The following SINHCAF variants were observed in gnomAD, a reference collection of about 807,000 sequenced individuals.
SINHCAF encodes SIN3-HDAC complex associated factor.
In SINHCAF, 3 loss-of-function variants were observed where a neutral mutation model predicts 25.8. That is an observed-to-expected ratio of 0.12 (90% CI 0.05 to 0.30). The LOEUF is 0.30. Among genes scored for constraint, SINHCAF ranks in the 10% least tolerant of loss-of-function variants. The pLI, the probability that SINHCAF is intolerant of heterozygous loss-of-function variation, is 1.00. For missense variants in SINHCAF, 121 were observed against 262.3 expected (o/e 0.46, Z 3.72); for synonymous variants, 70 against 85.5 (o/e 0.82, Z 1.00).
intron 1 of SINHCAF, among the ~76,000 whole-genome samples, chr12:31,317,424 C>T (rs1939535967): frequency 1.3e-5 from 2 of 151,846 alleles, no homozygotes; most frequent in Non-Finnish European, 2.9e-5. Flanking sequence ...TGAAACACCA[C>T]AGCACGCTGT....
At chr12:31,316,131 C>G (rs1939487166) in intron 1 of SINHCAF, among the ~76,000 whole-genome samples, 1 of 151,938 alleles carries the variant, frequency 6.6e-6, no homozygotes, top group African/African-American at 2.4e-5. Context: ...GATTGTGCCA[C>G]TGCACTCCAG....
At chr12:31,297,730 CA>C (rs1409460673) in intron 2 of SINHCAF, among the ~76,000 whole-genome samples, 1 of 151,940 alleles carries the variant, frequency 6.6e-6, no homozygotes, top group African/African-American at 2.4e-5. Context: ...CTCGGCCTCC[CA>C]AAATGCTCTC....
intron 1 of SINHCAF, among the ~76,000 whole-genome samples, chr12:31,300,353 CAA>C (rs1938736780): frequency 6.6e-6 from 1 of 152,004 alleles, no homozygotes; most frequent in Non-Finnish European, 1.5e-5. Flanking sequence ...GAGAGGCAGG[CAA>C]AAGAGTGGGA....
At chr12:31,316,471 T>C (rs903218157) in intron 1 of SINHCAF, among the ~76,000 whole-genome samples, 4 of 152,126 alleles carry the variant, frequency 2.6e-5, no homozygotes, top group Non-Finnish European at 5.9e-5. Context: ...TTGGTGCTGA[T>C]GAGTCAAGAA....
rs148553484 is a variant in SINHCAF, at chr12:31,296,710, C to G, written c.128+1367G>C. On this transcript the variant is annotated intron_variant, in intron 2 of 5. Coordinates refer to ENST00000337682, the MANE Select transcript of SINHCAF (RefSeq NM_001135812.2). ...ATCTACAAAAAAATAGAAAAATTAGCAGGGCATGGTAGTACATGCCTGTAG... is the reference window on the plus strand; with the variant it reads ...ATCTACAAAAAAATAGAAAAATTAGGAGGGCATGGTAGTACATGCCTGTAG... Among the ~76,000 whole-genome samples the G allele has an allele frequency of 6.1e-3, 921 of 152,086 alleles. 13 individuals are homozygous for G. Among genetic ancestry groups the G allele is most frequent in the African/African-American group, 0.021 (874 of 41,506 alleles).
At chr12:31,283,629 T>C (rs1309701602) in intron 5 of SINHCAF, among the ~76,000 whole-genome samples, 2 of 151,828 alleles carry the variant, frequency 1.3e-5, no homozygotes, top group African/African-American at 2.4e-5. Context: ...GGGTGTGTGT[T>C]AGCAAAGGCA....
intron 2 of SINHCAF, chr12:31,297,071 T>C (rs927528267): frequency 9.9e-6 from 4 of 403,070 alleles, no homozygotes; most frequent in South Asian, 1.9e-5. Flanking sequence ...AAAAAAAGAA[T>C]GATTTCCCAT....
rs144151567 is a variant in SINHCAF at position 31,312,366 on chromosome 12, G to C, written c.-21+13658C>G. Among the ~76,000 whole-genome samples the C allele has an allele frequency of 3.8e-3, 567 of 147,714 alleles. 10 individuals carry two copies. The highest frequency in any genetic ancestry group is 0.013 in the African/African-American group (530 of 41,360). ...ATTGTTTTACGTATTTTGTGTGTGT[G>C]TGTGTGTGAGTGTGTGTATTTCTAG... is the stretch of plus-strand genomic sequence containing the variant. On this transcript the variant is annotated intron_variant, in intron 1 of 5. Coordinates refer to ENST00000337682, the MANE Select transcript of SINHCAF (RefSeq NM_001135812.2).
rs1391705414 is a variant in SINHCAF at position 31,289,405 on chromosome 12, A to G, written c.356-1621T>C. On this transcript the variant is annotated intron_variant, in intron 4 of 5. Coordinates refer to ENST00000337682, the MANE Select transcript of SINHCAF (RefSeq NM_001135812.2). Reference sequence around the variant, plus strand: ...AAACCAAGAGAAAAATCTTGAAAGCAGCCAAAGAATAATGACATTATACCT... The same window carrying G: ...AAACCAAGAGAAAAATCTTGAAAGCGGCCAAAGAATAATGACATTATACCT... Among the ~76,000 whole-genome samples the G allele has an allele frequency of 4.6e-5, 7 of 152,360 alleles. No individual in the cohort carries two copies. The South Asian group carries it at 1.4e-3, about 32-fold the overall frequency.
chr12:31,310,945 T>A (rs1217365481), intron 1 of SINHCAF, among the ~76,000 whole-genome samples: 19 of 151,294 alleles, frequency 1.3e-4, no homozygotes, highest in Non-Finnish European at 7.4e-5. Context: ...TCTCCGCTCA[T>A]TGCAACCTCC....
In SINHCAF at chr12:31,324,021, C is replaced by A; in HGVS notation, c.-21+2003G>T. 2.2e-6 allele frequency: 1 copy of A among 455,642 alleles called. No individual in the cohort carries two copies. The highest frequency in any genetic ancestry group is 1.5e-5 in the South Asian group (1 of 64,542). The allele number at this position is 455,642 out of a possible 1,614,324, so 28.2% of individuals were successfully genotyped here. ...CGCCGAGCCAGCAAGTAAGAATGCT[C>A]CCTGGTGGATTTGTTGGTAAATAAG... is the stretch of plus-strand genomic sequence containing the variant. On this transcript the variant is annotated intron_variant, in intron 1 of 5. Coordinates refer to ENST00000337682, the MANE Select transcript of SINHCAF (RefSeq NM_001135812.2). The surrounding 1 kb of genome is among the most constrained non-coding windows in gnomAD (Gnocchi z 5.5).
rs1166393937 is a variant in SINHCAF at position 31,325,051 on chromosome 12, G to A, written c.-21+973C>T. On this transcript the variant is annotated intron_variant, in intron 1 of 5. Coordinates refer to ENST00000337682, the MANE Select transcript of SINHCAF (RefSeq NM_001135812.2). The surrounding 1 kb of genome is among the most constrained non-coding windows in gnomAD (Gnocchi z 5.9). Reference sequence around the variant, plus strand: ...CAGCCCGAAGCACGTGGTCTGTCACGTAGAGCACAAAAAGCAGTGCCCTGC... The same window carrying A: ...CAGCCCGAAGCACGTGGTCTGTCACATAGAGCACAAAAAGCAGTGCCCTGC... 14 of 456,724 alleles carry A rather than the reference G, an allele frequency of 3.1e-5. No individual in the cohort carries two copies. Among genetic ancestry groups the A allele is most frequent in the South Asian group, 4.6e-5 (3 of 64,574 alleles). The allele number at this position is 456,724 out of a possible 1,614,324, so 28.3% of individuals were successfully genotyped here.
chr12:31,306,799 A>C (rs1939043552), intron 1 of SINHCAF, among the ~76,000 whole-genome samples: 1 of 152,194 alleles, frequency 6.6e-6, no homozygotes, highest in Admixed American at 6.5e-5. Context: ...AGCATTCCAA[A>C]GTCATGAGCA....
Position 31,284,566 on chromosome 12 carries a change from CA to C in SINHCAF, c.507-1696del, listed in dbSNP as rs1937954734. Among the ~76,000 whole-genome samples, 3 of 152,176 alleles carry C rather than the reference CA, an allele frequency of 2.0e-5. 1 individual carries two copies. Among genetic ancestry groups the C allele is most frequent in the African/African-American group, 7.2e-5 (3 of 41,534 alleles). On this transcript the variant is annotated intron_variant, in intron 5 of 5. Transcript: ENST00000337682. ...TGTCATAAAAAAATCCTTTCCCACT[CA>C]AAAGTCATAATCTATTTTCTACTTT... is the stretch of plus-strand genomic sequence containing the variant.
chr12:31,294,022 G>A (rs1191866983), intron 3 of SINHCAF, 91 bp from the exon 4 acceptor site: 7 of 941,110 alleles, frequency 7.4e-6, no homozygotes, highest in Non-Finnish European at 1.1e-5. Context: ...GAGAACCACA[G>A]TTTTATACTG....
At chr12:31,289,771 T>C (rs577816810) in intron 4 of SINHCAF, among the ~76,000 whole-genome samples, 10 of 151,854 alleles carry the variant, frequency 6.6e-5, no homozygotes, top group Non-Finnish European at 8.8e-5. Context: ...ACATGCTGCA[T>C]GGAAAGAAAC....
intron 1 of SINHCAF, among the ~76,000 whole-genome samples, chr12:31,300,908 AAAG>A (rs1938764871): frequency 6.6e-6 from 1 of 152,180 alleles, no homozygotes; most frequent in South Asian, 2.1e-4. Context: ...AGCAAGGACA[AAAG>A]AAGCAGAGCA....
intron 4 of SINHCAF, among the ~76,000 whole-genome samples, chr12:31,290,736 G>A (rs777244056): frequency 7.9e-5 from 12 of 151,578 alleles, no homozygotes; most frequent in African/African-American, 1.2e-4. Context: ...TTTTGTTTTC[G>A]GAGACGGAGT....
chr12:31,306,506 C>G (rs1279501415), intron 1 of SINHCAF, among the ~76,000 whole-genome samples: 1 of 152,160 alleles, frequency 6.6e-6, no homozygotes, highest in Non-Finnish European at 1.5e-5. Context: ...AAAGTACCCC[C>G]CCCTTTTGTT....
Sources: allele counts gnomAD v4.1 joint callset (sites outside exome capture counted in the v4.1 genomes callset), GRCh38; gene constraint gnomAD v4.1.1; non-coding constraint Gnocchi (gnomAD v3.1); transcripts MANE v1.5; gene names NCBI Gene and HGNC (gene_info 2026-07-23, HGNC 2026-07-21).